The following SDK1 variants were observed in gnomAD, a reference collection of about 807,000 sequenced individuals.
SDK1 encodes sidekick cell adhesion molecule 1.
In SDK1, 157 loss-of-function variants were observed where a neutral mutation model predicts 245.5. That is an observed-to-expected ratio of 0.64 (90% confidence interval 0.56 to 0.73). The LOEUF (loss-of-function observed/expected upper bound fraction) is 0.73. Among genes scored for constraint, SDK1 ranks in the 30% least tolerant of loss-of-function variants. The pLI is 0.00. For missense variants in SDK1, 3,583 were observed against 3,002.3 expected, an observed-to-expected ratio of 1.19 and a Z score of -4.52; for synonymous variants, 1,647 against 1,278.5, an observed-to-expected ratio of 1.29 and a Z score of -6.15.
intron 4 of SDK1, among the ~76,000 whole-genome samples, chr7:3,668,305 C>A (rs1005734703): frequency 6.6e-6 from 1 of 152,148 alleles, no homozygotes; most frequent in Non-Finnish European, 1.5e-5. Flanking sequence ...TCTTCCAACA[C>A]GACTCACTTT....
At chr7:4,109,723 G>C (rs1461207528) in intron 22 of SDK1, among the ~76,000 whole-genome samples, 1 of 152,216 alleles carries the variant, frequency 6.6e-6, no homozygotes, top group Non-Finnish European at 1.5e-5. Flanking sequence ...GGCGCAGCTT[G>C]TGTGGCACCA....
chr7:3,447,589 T>G (rs1780379270), intron 1 of SDK1, among the ~76,000 whole-genome samples: 1 of 152,194 alleles, frequency 6.6e-6, no homozygotes, highest in African/African-American at 2.4e-5. Flanking sequence ...ATGAATGTAC[T>G]AATTAATTCA....
chr7:3,402,124 A>G (rs758013917), intron 1 of SDK1, among the ~76,000 whole-genome samples: 5 of 152,236 alleles, frequency 3.3e-5, no homozygotes, highest in Admixed American at 6.5e-5. Flanking sequence ...TGTCACAGAA[A>G]ATAATATGCG....
chr7:3,507,154 C>T (rs1782420273), intron 1 of SDK1, among the ~76,000 whole-genome samples: 1 of 152,106 alleles, frequency 6.6e-6, no homozygotes, highest in African/African-American at 2.4e-5. Context: ...ACTGAAGTTC[C>T]AGTGGGACTC....
chr7:3,355,557 C>G (rs181007326), intron 1 of SDK1, among the ~76,000 whole-genome samples: 2 of 152,258 alleles, frequency 1.3e-5, no homozygotes, highest in East Asian at 3.9e-4. Flanking sequence ...CTTTGCATCA[C>G]CTTCTTAGAT....
intron 1 of SDK1, among the ~76,000 whole-genome samples, chr7:3,557,469 G>A (rs141605699): frequency 6.6e-6 from 1 of 152,198 alleles, no homozygotes; most frequent in Non-Finnish European, 1.5e-5. Context: ...GCAAGACCAG[G>A]GGTCCTGATG....
rs186197888 is a variant in SDK1 at position 3,854,804 on chromosome 7, C to A, written c.847+33221C>A. On this transcript the variant is annotated intron_variant, in intron 5 of 44. Coordinates refer to ENST00000404826, the MANE Select transcript of SDK1 (RefSeq NM_152744.4). ...ATAGAAACAACAAAAAAGATAGGTA[C>A]ATAGATAACAGAAAAGATGGGAAGG... Among the ~76,000 whole-genome samples the A allele has an allele frequency of 9.4e-4, 143 of 152,184 alleles. 1 individual carries two copies. Among genetic ancestry groups the A allele is most frequent in the Admixed American group, 3.9e-3 (59 of 15,290 alleles).
intron 4 of SDK1, among the ~76,000 whole-genome samples, chr7:3,683,280 G>A (rs995919864): frequency 1.3e-5 from 2 of 152,164 alleles, no homozygotes; most frequent in Non-Finnish European, 2.9e-5. Flanking sequence ...CACATACTAT[G>A]CACTTGCCAA....
chr7:3,327,555 G>A (rs1482508513), intron 1 of SDK1, among the ~76,000 whole-genome samples: 1 of 151,956 alleles, frequency 6.6e-6, no homozygotes, highest in Admixed American at 6.6e-5. Context: ...ATTTAAAGCG[G>A]TTTTGCCATA....
rs555339301 is a variant in SDK1 at position 3,936,423 on chromosome 7, T to C, written c.848-14500T>C. ...GGTGAAACCCCATCTGTACTAAAAA[T>C]AGAAAAAAAAAATTAGCCAGGCATG... On this transcript the variant is annotated intron_variant, in intron 5 of 44. Transcript: ENST00000404826. Among the ~76,000 whole-genome samples the C allele has an allele frequency of 1.3e-3, 191 of 150,450 alleles. 10 individuals carry two copies. The South Asian group carries it at 0.038, about 30-fold the overall frequency.
At chr7:3,969,855 A>G (rs1023390404) in intron 11 of SDK1, among the ~76,000 whole-genome samples, 4 of 152,238 alleles carry the variant, frequency 2.6e-5, no homozygotes, top group Non-Finnish European at 5.9e-5. Flanking sequence ...CTTGTATGTT[A>G]GGAGTGAACT....
In SDK1 at chr7:3,432,126, T is replaced by A. The variant is rs898011184; in HGVS notation, c.298+130242T>A. On this transcript the variant is annotated intron_variant, in intron 1 of 44. Coordinates refer to ENST00000404826, the MANE Select transcript of SDK1 (RefSeq NM_152744.4). The stretch of plus-strand genomic sequence containing the variant: ...GCAGGCTGCAGTAAAAAAAAAAAAA[T>A]ATATATATGTATTTTATATTTAAAA... 1.5e-4 allele frequency among the ~76,000 whole-genome samples: 22 copies of A among 146,228 alleles called. 1 individual carries two copies. The highest frequency in any genetic ancestry group is 4.3e-4 in the South Asian group (2 of 4,700).
chr7:4,225,946 G>C (rs771346235), intron 40 of SDK1, among the ~76,000 whole-genome samples: 3 of 109,304 alleles, frequency 2.7e-5, no homozygotes, highest in African/African-American at 8.1e-5. Flanking sequence ...AGCAGGCCGC[G>C]GGACCCGTGT....
intron 5 of SDK1, among the ~76,000 whole-genome samples, chr7:3,827,957 C>A (rs1004093041): frequency 6.6e-6 from 1 of 152,162 alleles, no homozygotes; most frequent in Non-Finnish European, 1.5e-5. Context: ...GTTATTAGAA[C>A]AAAGCACGTC....
rs958788025 is a variant in SDK1 at position 4,265,527 on chromosome 7, T to C, written c.*143T>C. 1.5e-5 allele frequency: 20 copies of C among 1,354,390 alleles called. No homozygotes were observed. The African/African-American group carries it at 2.9e-4, about 20-fold the overall frequency. The allele number at this position is 1,354,390 out of a possible 1,614,324, so 83.9% of individuals were successfully genotyped here. ...GATAAGTGATGATTTTACCTACTTGTGGACACTAGATTTCAATTAGGAAGG... is the reference window on the plus strand; with the variant it reads ...GATAAGTGATGATTTTACCTACTTGCGGACACTAGATTTCAATTAGGAAGG... On this transcript the variant is annotated 3_prime_UTR_variant, in exon 45 of 45. Coordinates refer to ENST00000404826, the MANE Select transcript of SDK1 (RefSeq NM_152744.4).
chr7:3,710,642 G>C (rs56092941), intron 4 of SDK1, among the ~76,000 whole-genome samples: 27 of 152,112 alleles, frequency 1.8e-4, no homozygotes, highest in Non-Finnish European at 3.8e-4. Flanking sequence ...TGTGTGCTTC[G>C]ACACTCTCGT....
chr7:3,857,223 G>C (rs897068994), intron 5 of SDK1, among the ~76,000 whole-genome samples: 26 of 152,246 alleles, frequency 1.7e-4, no homozygotes, highest in African/African-American at 6.3e-4. Context: ...TCTGGGGAAA[G>C]ATGTCTACTA....
intron 19 of SDK1, among the ~76,000 whole-genome samples, chr7:4,059,736 G>A (rs1046757927): frequency 3.9e-5 from 6 of 152,012 alleles, no homozygotes; most frequent in African/African-American, 7.3e-5. Flanking sequence ...AAATTCGATC[G>A]ATATCTTCTT....
chr7:3,476,445 T>C (rs1781350049), intron 1 of SDK1, among the ~76,000 whole-genome samples: 1 of 152,234 alleles, frequency 6.6e-6, no homozygotes. Context: ...CCTAGATTAT[T>C]ATGCCATTGT....
Sources: gnomAD v4.1 joint callset for allele counts (sites outside exome capture counted in the v4.1 genomes callset) on GRCh38, gnomAD v4.1.1 for gene constraint, MANE v1.5 for transcripts, NCBI Gene and HGNC (gene_info 2026-07-23, HGNC 2026-07-21) for gene names.